Variants in CDK15 observed in about 807,000 individuals in gnomAD.
CDK15 encodes cyclin-dependent kinase 15.
CDK15 carries 62 observed loss-of-function variants against 60.3 expected under a neutral mutation model. The ratio of observed to expected loss-of-function variants is 1.03; its 90% CI spans 0.84 to 1.27. The LOEUF is 1.27. CDK15 is among the 50% of genes most tolerant of loss of function. The probability of loss-of-function intolerance (pLI) is 0.00; values close to 1 mark genes in which losing one functional copy is unlikely to be tolerated. For synonymous variants in CDK15, 194 were observed against 195.7 expected (o/e 0.99, Z 0.07); for missense variants, 541 against 527.8 (o/e 1.03, Z -0.25).
At chr2:201,823,540 G>T in intron 5 of CDK15, 125 bp from the exon 6 acceptor site, 1 of 841,556 alleles carries the variant, frequency 1.2e-6, no homozygotes. Flanking sequence ...TATTCCTTTT[G>T]CACCTTATTC....
At chr2:201,890,534 A>G (rs1461048512) in intron 12 of CDK15, among the ~76,000 whole-genome samples, 1 of 152,186 alleles carries the variant, frequency 6.6e-6, no homozygotes, top group African/African-American at 2.4e-5. Context: ...ATCATCTTCA[A>G]CAAGTAGCAT....
At chr2:201,827,659 T>C (rs1256685210) in intron 6 of CDK15, among the ~76,000 whole-genome samples, 1 of 152,136 alleles carries the variant, frequency 6.6e-6, no homozygotes, top group Non-Finnish European at 1.5e-5. Flanking sequence ...CAGGCTAGAG[T>C]GCAATGGTGC....
intron 8 of CDK15, among the ~76,000 whole-genome samples, chr2:201,844,064 AC>A (rs1697530420): frequency 6.6e-6 from 1 of 152,076 alleles, no homozygotes; most frequent in African/African-American, 2.4e-5. Flanking sequence ...ATTTTTTGAA[AC>A]TTGTTTAAAA....
At chr2:201,837,358 A>G (rs1697147880) in intron 8 of CDK15, among the ~76,000 whole-genome samples, 1 of 122,286 alleles carries the variant, frequency 8.2e-6, no homozygotes, top group Non-Finnish European at 1.7e-5. Flanking sequence ...GGAGAGGGGG[A>G]GAAAGGGAGA....
chr2:201,835,166 C>T (rs935015674), intron 7 of CDK15, among the ~76,000 whole-genome samples: 3 of 152,178 alleles, frequency 2.0e-5, no homozygotes, highest in South Asian at 2.1e-4. Flanking sequence ...AACTTTCTTT[C>T]GCATCACAGT....
chr2:201,806,895 T>C (rs934075872), intron 1 of CDK15, 108 bp downstream of exon 1: 1 of 1,250,202 alleles, frequency 8.0e-7, no homozygotes, highest in Admixed American at 2.7e-5. Context: ...TCTAAACCAA[T>C]AAAATGAAAA....
At chr2:201,886,227 C>T (rs991523897) in intron 12 of CDK15, among the ~76,000 whole-genome samples, 4 of 152,128 alleles carry the variant, frequency 2.6e-5, no homozygotes, top group African/African-American at 9.7e-5. Flanking sequence ...GAGATTTACA[C>T]CCCAGGACCA....
chr2:201,837,272 A>G (rs1697134564), intron 8 of CDK15, among the ~76,000 whole-genome samples: 1 of 149,070 alleles, frequency 6.7e-6, no homozygotes. Flanking sequence ...TGGGTTACAG[A>G]GCGAGACCCC....
chr2:201,880,318 A>G, intron 12 of CDK15, 151 bp downstream of exon 12: 1 of 943,626 alleles, frequency 1.1e-6, no homozygotes, highest in Non-Finnish European at 1.6e-6. Context: ...GCCTGGGAGA[A>G]GCAAGATAGG....
rs1441890928 is a variant in CDK15, at chr2:201,863,591, C to T, written c.1009+8654C>T. Among the ~76,000 whole-genome samples the T allele has an allele frequency of 2.0e-5, 3 of 152,070 alleles. No individual in the cohort carries two copies. In the East Asian group the frequency reaches 5.8e-4, roughly 29 times the overall value. On this transcript the variant is annotated intron_variant, in intron 10 of 13. Coordinates refer to ENST00000652192, the MANE Select transcript of CDK15 (RefSeq NM_001366386.2). Reference sequence around the variant, plus strand: ...CTGGGGCTGGGTGTGGTGGCTCACTCCTGTAATCCCAGCACTTTGGGAGGC... The same window carrying T: ...CTGGGGCTGGGTGTGGTGGCTCACTTCTGTAATCCCAGCACTTTGGGAGGC...
At chr2:201,866,638 G>A (rs1055031244) in intron 10 of CDK15, among the ~76,000 whole-genome samples, 1 of 152,174 alleles carries the variant, frequency 6.6e-6, no homozygotes, top group African/African-American at 2.4e-5. Flanking sequence ...GGAAGGAGAA[G>A]GGAAACAAGC....
chr2:201,846,567 CTT>C (rs541348954), intron 8 of CDK15, among the ~76,000 whole-genome samples: 1 of 139,124 alleles, frequency 7.2e-6, no homozygotes. Flanking sequence ...CTTTTTTTTT[CTT>C]TTTTTTTTTA....
intron 6 of CDK15, among the ~76,000 whole-genome samples, chr2:201,827,764 G>T (rs181939223): frequency 1.8e-3 from 275 of 152,248 alleles, no homozygotes; most frequent in Non-Finnish European, 3.1e-3. Flanking sequence ...GAGCCAAAGG[G>T]TTTATTGATG....
chr2:201,806,661 G>T lies in CDK15; in HGVS notation c.-4G>T. On this transcript the variant is annotated 5_prime_UTR_variant, in exon 1 of 14. Transcript: ENST00000652192. Reference sequence around the variant, plus strand: ...GCGGGTTTTCTCCTTGAACCTACAAGATTATGGGTCAAGAGCTGTGTGCAA... The same window carrying T: ...GCGGGTTTTCTCCTTGAACCTACAATATTATGGGTCAAGAGCTGTGTGCAA... 2 of 1,587,822 alleles carry T rather than the reference G, an allele frequency of 1.3e-6. No individual in the cohort carries two copies. Among genetic ancestry groups the T allele is most frequent in the East Asian group, 2.2e-5 (1 of 44,614 alleles).
intron 3 of CDK15, among the ~76,000 whole-genome samples, chr2:201,809,726 C>G (rs1388892420): frequency 6.6e-6 from 1 of 152,014 alleles, no homozygotes; most frequent in East Asian, 1.9e-4. Context: ...GAATCCCTAC[C>G]CTCCATTCCC....
rs1695588661 is a variant in CDK15 at position 201,807,912 on chromosome 2, G to A, written c.328G>A (p.Gly110Ser). The A allele has an allele frequency of 1.2e-6, 2 of 1,613,758 alleles. No individual in the cohort carries two copies. The highest frequency in any genetic ancestry group is 1.3e-5 in the African/African-American group (1 of 74,898). The change falls in exon 3 of 14, where the codon GGT (glycine) becomes AGT (serine). Residue 110 changes from glycine to serine, a missense_variant. Physicochemically the swap from Gly to Ser is moderately conservative, Grantham distance 56. Coordinates refer to ENST00000652192, the MANE Select transcript of CDK15 (RefSeq NM_001366386.2). Reference sequence around the variant, plus strand: ...ATCTTACTTGAACTTGGAGAAGCTGGGTGAAGGCTCTTATGCGACAGTTTA... The same window carrying A: ...ATCTTACTTGAACTTGGAGAAGCTGAGTGAAGGCTCTTATGCGACAGTTTA... ...ASSYLNLEKL[G>S]EGSYATVYKG...
At chr2:201,859,815 T>A (rs891920343) in intron 10 of CDK15, among the ~76,000 whole-genome samples, 4 of 152,226 alleles carry the variant, frequency 2.6e-5, no homozygotes, top group African/African-American at 9.6e-5. Flanking sequence ...TTTAAATAGA[T>A]GTTCCAATGG....
intron 11 of CDK15, among the ~76,000 whole-genome samples, chr2:201,878,758 G>A (rs958859179): frequency 2.0e-5 from 3 of 152,214 alleles, no homozygotes; most frequent in African/African-American, 7.2e-5. Context: ...CTTAGGTGTT[G>A]GGCAAGGGGT....
intron 6 of CDK15, among the ~76,000 whole-genome samples, chr2:201,826,573 A>C (rs1696516968): frequency 6.6e-6 from 1 of 151,970 alleles, no homozygotes; most frequent in Non-Finnish European, 1.5e-5. Context: ...GGTACAGAGT[A>C]GGGAAATAGA....
Sources: allele counts gnomAD v4.1 joint callset (sites outside exome capture counted in the v4.1 genomes callset), GRCh38; gene constraint gnomAD v4.1.1; transcripts MANE v1.5; gene names NCBI Gene and HGNC (gene_info 2026-07-23, HGNC 2026-07-21).